Variants in NEK7 observed in about 807,000 individuals in gnomAD.
NEK7 encodes NIMA related kinase 7, also known as serine/threonine-protein kinase Nek7.
Under a neutral mutation model 44.6 loss-of-function variants are expected in NEK7, and 18 were observed. The ratio of observed to expected loss-of-function variants is 0.40; its 90% CI spans 0.28 to 0.60. NEK7 has a LOEUF of 0.60. Ranked by LOEUF, NEK7 falls within the 20% of genes least tolerant of loss-of-function variation. The pLI is 0.38. For synonymous variants in NEK7, 130 were observed against 121.1 expected (o/e 1.07, Z -0.48); for missense variants, 256 against 366.5 (o/e 0.70, Z 2.46).
At chr1:198,224,104 A>G (rs1666145714) in intron 1 of NEK7, among the ~76,000 whole-genome samples, 1 of 152,150 alleles carries the variant, frequency 6.6e-6, no homozygotes, top group South Asian at 2.1e-4. Flanking sequence ...TTTTTCACCT[A>G]TACATTTGTG....
chr1:198,262,627 A>G lies in NEK7; in HGVS notation c.251A>G (p.Asp84Gly), dbSNP rs1226623643. 2 of 1,585,818 alleles carry G rather than the reference A, an allele frequency of 1.3e-6. No homozygotes were observed. Among genetic ancestry groups the G allele is most frequent in the Non-Finnish European group, 1.7e-6 (2 of 1,159,206 alleles). Residue 84 changes from aspartate (D) to glycine (G), a missense_variant, in exon 4 of 10, where the codon GAT becomes GGT. Asp to Gly is a moderately conservative substitution (Grantham distance 94). Transcript: ENST00000367385. ...CGTGCTGATTGCATCAAAGAAATAGATCTTCTTAAGGTAATTAATGAACTG... is the reference window on the plus strand; with the variant it reads ...CGTGCTGATTGCATCAAAGAAATAGGTCTTCTTAAGGTAATTAATGAACTG... Reference protein sequence around the residue: ...KARADCIKEIDLLKQLNHPNV... With the variant: ...KARADCIKEIGLLKQLNHPNV...
chr1:198,222,265 A>G (rs1021946448), intron 1 of NEK7, among the ~76,000 whole-genome samples: 1 of 152,200 alleles, frequency 6.6e-6, no homozygotes, highest in African/African-American at 2.4e-5. Flanking sequence ...TGGAGTTACC[A>G]TAATATGCTT....
intron 2 of NEK7, among the ~76,000 whole-genome samples, chr1:198,232,875 G>A (rs1432934662): frequency 6.7e-6 from 1 of 149,374 alleles, no homozygotes; most frequent in African/African-American, 2.5e-5. Context: ...AATTATTTAT[G>A]TGTAATATAT....
chr1:198,194,801 A>G (rs917789600), intron 1 of NEK7, among the ~76,000 whole-genome samples: 3 of 152,244 alleles, frequency 2.0e-5, no homozygotes, highest in African/African-American at 7.2e-5. Context: ...TCTTTATGAT[A>G]GAACAATTTA....
At chr1:198,171,074 T>C (rs1664425136) in intron 1 of NEK7, among the ~76,000 whole-genome samples, 1 of 152,114 alleles carries the variant, frequency 6.6e-6, no homozygotes, top group Non-Finnish European at 1.5e-5. Context: ...CCAAAACATG[T>C]ATTAAGAAAA....
chr1:198,203,441 T>C (rs1665497288), intron 1 of NEK7, among the ~76,000 whole-genome samples: 1 of 152,246 alleles, frequency 6.6e-6, no homozygotes, highest in African/African-American at 2.4e-5. Flanking sequence ...TTATCTTCAT[T>C]GCTCATGGAA....
At chr1:198,209,551 C>T (rs1039209187) in intron 1 of NEK7, among the ~76,000 whole-genome samples, 1 of 152,040 alleles carries the variant, frequency 6.6e-6, no homozygotes, top group Non-Finnish European at 1.5e-5. Context: ...CCTTTGAGTA[C>T]GTATAACATG....
At chr1:198,249,450 C>T (rs1652833573) in intron 2 of NEK7, among the ~76,000 whole-genome samples, 1 of 151,642 alleles carries the variant, frequency 6.6e-6, no homozygotes, top group African/African-American at 2.4e-5. Context: ...GTTCTAGATC[C>T]CTGAGGAATC....
At chr1:198,287,638 C>A (rs1654415932) in intron 7 of NEK7, among the ~76,000 whole-genome samples, 2 of 151,514 alleles carry the variant, frequency 1.3e-5, no homozygotes, top group South Asian at 4.2e-4. Context: ...AAATCATTTT[C>A]TTTCATTGTT....
chr1:198,296,699 C>T (rs1481221864), intron 8 of NEK7, among the ~76,000 whole-genome samples: 1 of 152,166 alleles, frequency 6.6e-6, no homozygotes, highest in African/African-American at 2.4e-5. Context: ...ATTCTCTTCC[C>T]TATGCTAGAT....
intron 9 of NEK7, 26 bp downstream of exon 9, chr1:198,297,266 C>A: frequency 6.2e-7 from 1 of 1,604,510 alleles, no homozygotes; most frequent in Non-Finnish European, 8.5e-7. Flanking sequence ...CCCACATGTT[C>A]TTCTGTTGTC....
chr1:198,193,025 G>T (rs553024009), intron 1 of NEK7, among the ~76,000 whole-genome samples: 1 of 150,010 alleles, frequency 6.7e-6, no homozygotes, highest in Non-Finnish European at 1.5e-5. Context: ...ATCCAGGAGC[G>T]GTTTTTTTTT....
intron 1 of NEK7, among the ~76,000 whole-genome samples, chr1:198,162,635 C>G (rs369821852): frequency 2.0e-4 from 31 of 152,252 alleles, no homozygotes; most frequent in African/African-American, 7.0e-4. Context: ...TCAGTTTGTT[C>G]TGATGACAGG....
chr1:198,221,452 A>G (rs56300490), intron 1 of NEK7, among the ~76,000 whole-genome samples: 50,949 of 151,478 alleles, frequency 0.34, 9,804 homozygotes, highest in East Asian at 0.8. Flanking sequence ...CTAAAGACCA[A>G]TTATAAAGTT....
At chr1:198,262,450 A>G (rs1230337709) in intron 3 of NEK7, 125 bp from the exon 4 acceptor site, 1 of 586,508 alleles carries the variant, frequency 1.7e-6, no homozygotes, top group Non-Finnish European at 3.0e-6. Flanking sequence ...TAATAAAGAA[A>G]AGCTAATCAG....
chr1:198,268,315 C>T (rs1387205369), intron 5 of NEK7, among the ~76,000 whole-genome samples: 2 of 151,622 alleles, frequency 1.3e-5, no homozygotes, highest in African/African-American at 4.9e-5. Context: ...TTACAGACTA[C>T]CCATCCTCCC....
At chr1:198,236,525 T>C (rs958867221) in intron 2 of NEK7, among the ~76,000 whole-genome samples, 2 of 152,194 alleles carry the variant, frequency 1.3e-5, no homozygotes, top group Admixed American at 1.3e-4. Context: ...TCTCCCACTT[T>C]GTATATTTTC....
At chr1:198,224,528 G>A (rs906647418) in intron 1 of NEK7, among the ~76,000 whole-genome samples, 1 of 151,584 alleles carries the variant, frequency 6.6e-6, no homozygotes, top group Non-Finnish European at 1.5e-5. Flanking sequence ...TACTTCAACC[G>A]AAACAATGTG....
chr1:198,252,359 A>G (rs55779459), intron 2 of NEK7, among the ~76,000 whole-genome samples: 29,814 of 150,844 alleles, frequency 0.2, 3,527 homozygotes, highest in African/African-American at 0.31. Context: ...CTGTTGATTT[A>G]GGTTGGAGAG....
Sources: gnomAD v4.1 joint callset for allele counts (sites outside exome capture counted in the v4.1 genomes callset) on GRCh38, gnomAD v4.1.1 for gene constraint, MANE v1.5 for transcripts, NCBI Gene and HGNC (gene_info 2026-07-23, HGNC 2026-07-21) for gene names.